SYCP1: variants seen among roughly 807,000 people sequenced by gnomAD.
SYCP1 encodes the protein cancer/testis antigen 8.
A neutral mutation model predicts 153.1 loss-of-function variants in SYCP1; 64 were observed. The observed-to-expected ratio is 0.42, with a 90% confidence interval of 0.34 to 0.51. The LOEUF (loss-of-function observed/expected upper bound fraction) is 0.51. Among genes scored for constraint, SYCP1 ranks in the 20% least tolerant of loss-of-function variants. The pLI is 0.06. For synonymous variants in SYCP1, 384 were observed against 341.8 expected (o/e 1.12, Z -1.36); for missense variants, 997 against 1,049.0 (o/e 0.95, Z 0.68).
chr1:114,990,846 G>A (rs1358883332), intron 30 of SYCP1, among the ~76,000 whole-genome samples: 1 of 151,876 alleles, frequency 6.6e-6, no homozygotes, highest in East Asian at 1.9e-4. Flanking sequence ...GGACCAGTTG[G>A]CTTCATTGAT....
chr1:114,984,791 G>A lies in SYCP1; in HGVS notation c.2626G>A (p.Glu876Lys). The A allele has an allele frequency of 6.6e-7, 1 of 1,512,114 alleles. No individual in the cohort carries two copies. Among genetic ancestry groups the A allele is most frequent in the Non-Finnish European group, 8.8e-7 (1 of 1,130,530 alleles). 93.7% of individuals were successfully genotyped at this position (1,512,114 alleles called of 1,614,324 possible). A position where few individuals can be genotyped will look rare whatever the true frequency, so the allele number is the denominator to read the frequency against. Residue 876 changes from glutamate (E) to lysine (K), a missense_variant, in exon 30 of 32, where the codon GAA becomes AAA. Glu to Lys is a moderately conservative substitution (Grantham distance 56). Transcript: ENST00000369522. The stretch of plus-strand genomic sequence containing the variant: ...AAGAGAAAACTTGAATATACCCATT[G>A]AAGAAAGTAAAAAAAAGAGAAAAAT... ...QQRENLNIPI[E>K]ESKKKRKMAF...
At chr1:114,888,505 A>G (rs982999448) in intron 15 of SYCP1, among the ~76,000 whole-genome samples, 2 of 151,890 alleles carry the variant, frequency 1.3e-5, no homozygotes, top group Admixed American at 6.6e-5. Context: ...GACCATATTT[A>G]TCCTTTTTTT....
chr1:114,873,233 C>T (rs1665277833), intron 8 of SYCP1, among the ~76,000 whole-genome samples: 1 of 152,128 alleles, frequency 6.6e-6, no homozygotes, highest in Admixed American at 6.5e-5. Context: ...TGGATAGCTA[C>T]ACATGATGTA....
intron 8 of SYCP1, among the ~76,000 whole-genome samples, chr1:114,867,936 T>C (rs928705853): frequency 5.9e-5 from 9 of 152,190 alleles, no homozygotes; most frequent in South Asian, 4.1e-4. Flanking sequence ...TTCCCTTCTA[T>C]TCCTAGTTTA....
intron 29 of SYCP1, among the ~76,000 whole-genome samples, chr1:114,984,153 C>T (rs1400244864): frequency 1.3e-5 from 2 of 152,002 alleles, no homozygotes; most frequent in Non-Finnish European, 2.9e-5. Context: ...AATCCTCCTG[C>T]CTTGGTCTTC....
chr1:114,895,381 T>G, intron 15 of SYCP1, 67 bp from the exon 16 acceptor site: 1 of 1,068,282 alleles, frequency 9.4e-7, no homozygotes, highest in Non-Finnish European at 1.3e-6. Flanking sequence ...TTATGCTTGT[T>G]CCTTCTGTCT....
At chr1:114,930,517 G>C (rs1205176140) in intron 23 of SYCP1, among the ~76,000 whole-genome samples, 2 of 151,866 alleles carry the variant, frequency 1.3e-5, no homozygotes, top group East Asian at 1.9e-4. Context: ...GATAAGAAAG[G>C]GGGGACTGTG....
chr1:114,992,541 G>T (rs1386936773), intron 30 of SYCP1, among the ~76,000 whole-genome samples: 1 of 151,510 alleles, frequency 6.6e-6, no homozygotes, highest in Non-Finnish European at 1.5e-5. Flanking sequence ...CCATTCAATG[G>T]GGAAGGAACA....
chr1:114,854,321 G>A (rs556288609), upstream of SYCP1, among the ~76,000 whole-genome samples: 17 of 152,166 alleles, frequency 1.1e-4, no homozygotes, highest in South Asian at 3.5e-3. Flanking sequence ...TTTAGGAGAG[G>A]CAGGGTCTCA....
At chr1:114,857,803 G>A (rs1293196917) in intron 5 of SYCP1, among the ~76,000 whole-genome samples, 4 of 151,964 alleles carry the variant, frequency 2.6e-5, no homozygotes, top group Admixed American at 6.6e-5. Context: ...TTGACTGGTT[G>A]ACTGGTTTAT....
chr1:114,914,155 A>G, intron 20 of SYCP1, 110 bp downstream of exon 20: 2 of 759,608 alleles, frequency 2.6e-6, no homozygotes, highest in South Asian at 2.6e-5. Flanking sequence ...TATTTTATAA[A>G]GTAAAAATTA....
At chr1:114,991,704 A>G (rs930084375) in intron 30 of SYCP1, among the ~76,000 whole-genome samples, 2 of 151,816 alleles carry the variant, frequency 1.3e-5, no homozygotes, top group African/African-American at 4.8e-5. Flanking sequence ...ATCATACTCA[A>G]TGGTGAAAGA....
chr1:114,901,526 G>A (rs1667446142), intron 16 of SYCP1, among the ~76,000 whole-genome samples: 1 of 152,172 alleles, frequency 6.6e-6, no homozygotes, highest in African/African-American at 2.4e-5. Context: ...ATGCAGATAT[G>A]AAACCATAAA....
At chr1:114,929,007 C>G (rs1056434047) in intron 23 of SYCP1, among the ~76,000 whole-genome samples, 1 of 152,098 alleles carries the variant, frequency 6.6e-6, no homozygotes, top group Non-Finnish European at 1.5e-5. Flanking sequence ...CATAAACAGC[C>G]AACTTTTCAT....
intron 23 of SYCP1, among the ~76,000 whole-genome samples, chr1:114,935,003 C>T (rs1319624526): frequency 2.6e-5 from 4 of 152,116 alleles, no homozygotes; most frequent in Non-Finnish European, 5.9e-5. Flanking sequence ...ATCAATGAGA[C>T]AGAAAGTTAA....
At chr1:114,988,080 C>CAAA (rs34553973) in intron 30 of SYCP1, among the ~76,000 whole-genome samples, 2 of 114,644 alleles carry the variant, frequency 1.7e-5, no homozygotes, top group Non-Finnish European at 1.7e-5. Context: ...TGATAAACGG[C>CAAA]AAAAAAAAAA....
At chr1:114,915,457 C>G (rs1668458297) in intron 20 of SYCP1, among the ~76,000 whole-genome samples, 1 of 152,186 alleles carries the variant, frequency 6.6e-6, no homozygotes, top group Non-Finnish European at 1.5e-5. Flanking sequence ...TTCATGTCTA[C>G]CTAACAAAGG....
At position 114,885,515 on chromosome 1, in the gene SYCP1, T is replaced by C. The variant is rs1666233982; in HGVS notation, c.911-20T>C. The C allele has an allele frequency of 7.1e-7, 1 of 1,403,070 alleles. No homozygotes were observed. Among genetic ancestry groups the C allele is most frequent in the African/African-American group, 1.5e-5 (1 of 68,822 alleles). 86.9% of individuals were successfully genotyped at this position (1,403,070 alleles called of 1,614,324 possible). A position where few individuals can be genotyped will look rare whatever the true frequency, so the allele number is the denominator to read the frequency against. ...TATATCTTCTGCTAAGTACTATCTA[T>C]TTATAACTTTCTCTTTTAGAATTAC... On this transcript the variant is annotated intron_variant, in intron 12 of 31. Transcript: ENST00000369522.
At position 114,946,364 on chromosome 1, in the gene SYCP1, T is replaced by C. The variant is rs755830555; in HGVS notation, c.2230T>C (p.Ser744Pro). 1.3e-6 allele frequency: 2 copies of C among 1,587,024 alleles called. No homozygotes were observed. The highest frequency in any genetic ancestry group is 1.1e-5 in the South Asian group (1 of 87,118). The change falls in exon 26 of 32, where the codon TCA becomes CCA. Residue 744 changes from serine to proline, a missense_variant. Coordinates refer to ENST00000369522, the MANE Select transcript of SYCP1 (RefSeq NM_003176.4). ...LYKSKEQEQS[S>P]LRASLEIELS... ...TAAGAGCAAAGAACAAGAACAGTCA[T>C]CACTGAGAGCATCTTTGGTGAGATA... is the stretch of plus-strand genomic sequence containing the variant.
Sources: gnomAD v4.1 joint callset for allele counts (sites outside exome capture counted in the v4.1 genomes callset) on GRCh38, gnomAD v4.1.1 for gene constraint, MANE v1.5 for transcripts, NCBI Gene and HGNC (gene_info 2026-07-23, HGNC 2026-07-21) for gene names.